CALCRL: variants seen among roughly 807,000 people sequenced by gnomAD.
CALCRL encodes the protein calcitonin gene-related peptide type 1 receptor.
CALCRL carries 27 observed loss-of-function variants against 60.4 expected under a neutral mutation model. The ratio of observed to expected loss-of-function variants is 0.45; its 90% CI spans 0.33 to 0.62. The LOEUF (loss-of-function observed/expected upper bound fraction) is 0.62, where lower values mean the gene tolerates loss of function less well. CALCRL is among the 20% of genes least tolerant of loss of function. The probability of loss-of-function intolerance (pLI) is 0.03; values close to 1 mark genes in which losing one functional copy is unlikely to be tolerated. For missense variants in CALCRL, 424 were observed against 540.7 expected, an observed-to-expected ratio of 0.78 and a Z score of 2.14; for synonymous variants, 190 against 182.6, an observed-to-expected ratio of 1.04 and a Z score of -0.33.
chr2:187,375,982 C>T (rs1459609919), intron 8 of CALCRL, among the ~76,000 whole-genome samples: 1 of 152,084 alleles, frequency 6.6e-6, no homozygotes, highest in Non-Finnish European at 1.5e-5. Flanking sequence ...GTGTAGACTG[C>T]TTTAAGCTTG....
chr2:187,402,985 A>G (rs546617288), intron 1 of CALCRL, among the ~76,000 whole-genome samples: 2 of 151,690 alleles, frequency 1.3e-5, no homozygotes, highest in South Asian at 4.2e-4. Context: ...GAGATAGGCA[A>G]TCTCTCTCTG....
At chr2:187,363,813 A>G (rs1282376033) in intron 8 of CALCRL, among the ~76,000 whole-genome samples, 8 of 152,194 alleles carry the variant, frequency 5.3e-5, no homozygotes, top group Admixed American at 5.2e-4. Context: ...CATTTTGCAA[A>G]CATTGGGATT....
chr2:187,352,784 C>A (rs764680215), intron 12 of CALCRL, among the ~76,000 whole-genome samples: 6 of 151,862 alleles, frequency 4.0e-5, no homozygotes, highest in Non-Finnish European at 8.8e-5. Context: ...ACCATAATAA[C>A]CATTTTCATC....
At chr2:187,397,156 A>G (rs973050605) in intron 1 of CALCRL, among the ~76,000 whole-genome samples, 16 of 151,760 alleles carry the variant, frequency 1.1e-4, no homozygotes, top group African/African-American at 3.9e-4. Flanking sequence ...ATTTTTGTAA[A>G]TATAAGTAAG....
chr2:187,391,177 G>T (rs775155961), intron 1 of CALCRL, among the ~76,000 whole-genome samples: 8 of 152,118 alleles, frequency 5.3e-5, no homozygotes, highest in Non-Finnish European at 1.0e-4. Flanking sequence ...CTTGGTTTCA[G>T]CTCACTGGTT....
Position 187,431,272 on chromosome 2 carries a change from T to A in CALCRL, c.-293+16767A>T, listed in dbSNP as rs561415196. 6 of 155,012 alleles carry A rather than the reference T, an allele frequency of 3.9e-5. No homozygotes were observed. The Admixed American group carries it at 3.9e-4, about 10-fold the overall frequency. 9.6% of individuals were successfully genotyped at this position (155,012 alleles called of 1,614,324 possible). A position where few individuals can be genotyped will look rare whatever the true frequency, so the allele number is the denominator to read the frequency against. ...CATGTTACTTTTATTAGGTCATGAA[T>A]GTTGTTTTGTAATATATGCAATACC... On this transcript the variant is annotated intron_variant, in intron 1 of 14. Coordinates refer to ENST00000392370, the MANE Select transcript of CALCRL (RefSeq NM_005795.6).
chr2:187,350,670 T>C (rs1290899884), intron 14 of CALCRL, among the ~76,000 whole-genome samples: 1 of 151,666 alleles, frequency 6.6e-6, no homozygotes, highest in Admixed American at 6.6e-5. Flanking sequence ...GATGAGGAAG[T>C]AAAAATATTA....
In CALCRL at chr2:187,343,082, T is replaced by C. The variant is rs1246193865; in HGVS notation, c.*3102A>G. ...GAAGGAGTTTGCATCCATTGTAGTA[T>C]AGTTGGATTTTTTTAGTTTGAAAAA... is the stretch of plus-strand genomic sequence containing the variant. On this transcript the variant is annotated 3_prime_UTR_variant, in exon 15 of 15. Coordinates refer to ENST00000392370, the MANE Select transcript of CALCRL (RefSeq NM_005795.6). 6.6e-6 allele frequency: 1 copy of C among 151,654 alleles called. No homozygotes were observed. The highest frequency in any genetic ancestry group is 6.6e-5 in the Admixed American group (1 of 15,208). 9.4% of individuals were successfully genotyped at this position (151,654 alleles called of 1,614,324 possible).
At chr2:187,409,689 T>A (rs1028221426) in intron 1 of CALCRL, among the ~76,000 whole-genome samples, 1 of 152,146 alleles carries the variant, frequency 6.6e-6, no homozygotes, top group Non-Finnish European at 1.5e-5. Context: ...TAATCAAATA[T>A]TCATACAAAT....
intron 9 of CALCRL, among the ~76,000 whole-genome samples, chr2:187,362,911 T>A (rs547953115): frequency 6.6e-6 from 1 of 152,260 alleles, no homozygotes; most frequent in Admixed American, 6.5e-5. Context: ...ACAAAAAATA[T>A]AATTTATTTA....
chr2:187,360,428 A>G (rs1179717443), intron 10 of CALCRL, among the ~76,000 whole-genome samples, 170 bp downstream of exon 10: 4 of 152,120 alleles, frequency 2.6e-5, no homozygotes, highest in Admixed American at 6.6e-5. Flanking sequence ...TGGATGAGTC[A>G]GTGATACTTT....
chr2:187,415,630 C>A, intron 1 of CALCRL: 1 of 616,204 alleles, frequency 1.6e-6, no homozygotes, highest in South Asian at 1.6e-5. Context: ...GGTGGTGAAC[C>A]AGGCATCGGA....
chr2:187,359,285 A>C lies in CALCRL; in HGVS notation c.782-13T>G, dbSNP rs1299616234. 9.4e-6 allele frequency: 14 copies of C among 1,492,870 alleles called. No homozygotes were observed. In the East Asian group the frequency reaches 2.5e-4, roughly 26 times the overall value. 92.5% of individuals were successfully genotyped at this position (1,492,870 alleles called of 1,614,324 possible). A position where few individuals can be genotyped will look rare whatever the true frequency, so the allele number is the denominator to read the frequency against. On this transcript the variant is annotated splice_polypyrimidine_tract_variant and intron_variant, in intron 10 of 14. Transcript: ENST00000392370. ...ATCAGTGGAAATCCTGTAATAACAA[A>C]AAAAAAAGAAAATAAATAGGCATTT...
chr2:187,352,315 C>T lies in CALCRL; in HGVS notation c.927G>A (p.Leu309=), dbSNP rs1686570088. The T allele has an allele frequency of 3.1e-6, 5 of 1,605,608 alleles. No individual in the cohort carries two copies. The highest frequency in any genetic ancestry group is 2.2e-5 in the East Asian group (1 of 44,700). Residue 309 remains leucine, a synonymous_variant, in exon 13 of 15, where the codon TTG becomes TTA. Transcript: ENST00000392370. ...TGATGAGAACGCGTACAATATTTAACAAGAAAAAAAGATTCACCTAAAAAC... is the reference window on the plus strand; with the variant it reads ...TGATGAGAACGCGTACAATATTTAATAAGAAAAAAAGATTCACCTAAAAAC... ...CAALLVNLFF[L]LNIVRVLITK...
chr2:187,404,204 C>G (rs3821181), intron 1 of CALCRL, among the ~76,000 whole-genome samples: 22,852 of 151,798 alleles, frequency 0.15, 2,372 homozygotes, highest in East Asian at 0.4. Flanking sequence ...TAGACCTTAA[C>G]AACAACAGCG....
intron 1 of CALCRL, among the ~76,000 whole-genome samples, chr2:187,388,418 C>G (rs1688294189): frequency 6.6e-6 from 1 of 151,762 alleles, no homozygotes; most frequent in South Asian, 2.1e-4. Flanking sequence ...TTTCTGTTAA[C>G]AAAAAATTAA....
intron 1 of CALCRL, among the ~76,000 whole-genome samples, chr2:187,424,657 G>A (rs1173806047): frequency 6.6e-6 from 1 of 151,956 alleles, no homozygotes; most frequent in African/African-American, 2.4e-5. Context: ...CCTTGGAAAA[G>A]TATGAAGATG....
chr2:187,422,580 G>A (rs979202816), intron 1 of CALCRL, among the ~76,000 whole-genome samples: 2 of 152,062 alleles, frequency 1.3e-5, no homozygotes, highest in Non-Finnish European at 2.9e-5. Flanking sequence ...TCTAATAATA[G>A]TGAGGCTCTT....
chr2:187,430,758 T>A (rs576540414), intron 1 of CALCRL, among the ~76,000 whole-genome samples: 77 of 152,210 alleles, frequency 5.1e-4, no homozygotes, highest in African/African-American at 1.8e-3. Context: ...TGAAAAAGTT[T>A]TACATCCATT....
Sources: allele counts gnomAD v4.1 joint callset (sites outside exome capture counted in the v4.1 genomes callset), GRCh38; gene constraint gnomAD v4.1.1; transcripts MANE v1.5; gene names NCBI Gene and HGNC (gene_info 2026-07-23, HGNC 2026-07-21).